The following NAALADL2 variants were observed in gnomAD, a reference collection of about 807,000 sequenced individuals.
The protein encoded by NAALADL2 is N-acetylated alpha-linked acidic dipeptidase like 2.
In NAALADL2, 76 loss-of-function variants were observed where a neutral mutation model predicts 87.2. That is an observed-to-expected ratio of 0.87 (90% CI 0.72 to 1.05). NAALADL2 has a LOEUF of 1.05. NAALADL2 is among the 50% of genes least tolerant of loss of function. The pLI, the probability that NAALADL2 is intolerant of heterozygous loss-of-function variation, is 0.00. For missense variants in NAALADL2, 1,089 were observed against 945.8 expected (o/e 1.15, Z -1.99); for synonymous variants, 354 against 331.0 (o/e 1.07, Z -0.75).
At chr3:174,853,651 C>A (rs569342652) in intron 3 of NAALADL2, among the ~76,000 whole-genome samples, 1 of 151,686 alleles carries the variant, frequency 6.6e-6, no homozygotes, top group East Asian at 1.9e-4. Flanking sequence ...GATTAATAAT[C>A]AAAATATGTA....
At chr3:175,773,474 G>A (rs758363283) in intron 13 of NAALADL2, 19 of 151,988 alleles carry the variant, frequency 1.3e-4, no homozygotes, top group Non-Finnish European at 2.2e-4. Context: ...ACAGTCTGTT[G>A]GGCTTTGTGA....
intron 13 of NAALADL2, among the ~76,000 whole-genome samples, chr3:175,794,385 A>G (rs950843984): frequency 7.2e-5 from 4 of 55,490 alleles, no homozygotes; most frequent in East Asian, 7.4e-4. Context: ...ATGAGTGTGG[A>G]AAAAAAAAAA....
At chr3:174,722,618 C>G (rs1731809458) in intron 2 of NAALADL2, among the ~76,000 whole-genome samples, 4 of 152,146 alleles carry the variant, frequency 2.6e-5, no homozygotes, top group Admixed American at 2.0e-4. Flanking sequence ...AGGAGAATCG[C>G]TTGAACTCAG....
intron 5 of NAALADL2, among the ~76,000 whole-genome samples, chr3:175,359,125 G>C (rs1327815587): frequency 6.6e-6 from 1 of 151,954 alleles, no homozygotes; most frequent in Non-Finnish European, 1.5e-5. Context: ...ATGGAGACCA[G>C]CAGTTATTGC....
At chr3:175,063,068 GT>G (rs531123195) in intron 1 of NAALADL2, among the ~76,000 whole-genome samples, 1 of 152,020 alleles carries the variant, frequency 6.6e-6, no homozygotes, top group Non-Finnish European at 1.5e-5. Flanking sequence ...AGCTGGCTAT[GT>G]TTTTTGTTGG....
At position 174,773,476 on chromosome 3, in the gene NAALADL2, C is replaced by T. The variant is rs549434356; in HGVS notation, c.-9+35730C>T. Among the ~76,000 whole-genome samples, 6 of 152,218 alleles carry T rather than the reference C, an allele frequency of 3.9e-5. No homozygotes were observed. In the South Asian group the frequency reaches 8.3e-4, roughly 21 times the overall value. On this transcript the variant is annotated intron_variant, in intron 3 of 3. Coordinates refer to the NAALADL2 transcript ENST00000434257. ...GATGATAGACTCTCCATCCCTTTAA[C>T]TGAGAATAAGGTATACTCCATGCTA...
intron 9 of NAALADL2, among the ~76,000 whole-genome samples, chr3:175,531,983 A>G (rs9852772): frequency 0.92 from 140,420 of 152,220 alleles, 64,855 homozygotes; most frequent in East Asian, 0.97. Flanking sequence ...ATTTTTCTAA[A>G]TAGAGGCAGC....
chr3:175,096,708 G>A, intron 1 of NAALADL2, 82 bp from the exon 2 acceptor site: 15 of 844,902 alleles, frequency 1.8e-5, no homozygotes, highest in Non-Finnish European at 2.6e-5. Context: ...CACTCAATAT[G>A]GCTTACTGTT....
intron 9 of NAALADL2, among the ~76,000 whole-genome samples, chr3:175,483,013 A>G (rs1726729780): frequency 6.6e-6 from 1 of 152,006 alleles, no homozygotes; most frequent in South Asian, 2.1e-4. Context: ...GTTCCTTAAA[A>G]TAAACATACC....
At chr3:175,096,040 C>T (rs1721099563) in intron 1 of NAALADL2, among the ~76,000 whole-genome samples, 1 of 152,066 alleles carries the variant, frequency 6.6e-6, no homozygotes, top group African/African-American at 2.4e-5. Context: ...CCAAACTCTC[C>T]TAGGCTGGCA....
intron 1 of NAALADL2, among the ~76,000 whole-genome samples, chr3:174,993,750 T>C (rs1747055852): frequency 6.6e-6 from 1 of 152,166 alleles, no homozygotes; most frequent in African/African-American, 2.4e-5. Flanking sequence ...TACCACAAAC[T>C]AAGTGGCTTA....
chr3:175,541,968 C>T (rs1022899831), intron 9 of NAALADL2, among the ~76,000 whole-genome samples: 3 of 152,164 alleles, frequency 2.0e-5, no homozygotes, highest in Non-Finnish European at 2.9e-5. Context: ...ATCCACCTGC[C>T]TCAGCCTCCC....
chr3:174,912,618 T>C (rs1175410089), intron 1 of NAALADL2, among the ~76,000 whole-genome samples: 1 of 152,152 alleles, frequency 6.6e-6, no homozygotes, highest in East Asian at 1.9e-4. Flanking sequence ...GCAGCCTTTT[T>C]CCCCTGATTA....
intron 1 of NAALADL2, among the ~76,000 whole-genome samples, chr3:174,930,001 C>T (rs942033087): frequency 4.6e-5 from 7 of 152,104 alleles, no homozygotes; most frequent in Non-Finnish European, 8.8e-5. Context: ...TTCCCCTGTT[C>T]TATCTTTACT....
At chr3:175,765,747 A>G (rs1748602200) in intron 13 of NAALADL2, among the ~76,000 whole-genome samples, 1 of 152,152 alleles carries the variant, frequency 6.6e-6, no homozygotes, top group Non-Finnish European at 1.5e-5. Flanking sequence ...AAGACTAACA[A>G]TAACAACAAT....
In NAALADL2 at chr3:175,352,990, C is replaced by T. The variant is rs147281338; in HGVS notation, c.1090+28665C>T. ...TCAGCTATTGTTTTCTTGAAATCAA[C>T]GAACCCTGAAAGACAGGGCATTCTC... On this transcript the variant is annotated intron_variant, in intron 5 of 13. Coordinates refer to ENST00000454872, the MANE Select transcript of NAALADL2 (RefSeq NM_207015.3). Among the ~76,000 whole-genome samples the T allele has an allele frequency of 5.9e-3, 890 of 152,122 alleles. 26 individuals are homozygous for T. The highest frequency in any genetic ancestry group is 0.053 in the Admixed American group (811 of 15,250).
intron 1 of NAALADL2, among the ~76,000 whole-genome samples, chr3:174,531,294 G>A (rs191398221): frequency 2.7e-5 from 4 of 149,002 alleles, no homozygotes; most frequent in Non-Finnish European, 4.5e-5. Context: ...TTTTGGTTCT[G>A]TCTTAGCTTG....
intron 10 of NAALADL2, among the ~76,000 whole-genome samples, chr3:175,615,852 G>A (rs891179364): frequency 1.3e-5 from 2 of 148,188 alleles, no homozygotes; most frequent in Non-Finnish European, 3.0e-5. Context: ...GGGAGACTCT[G>A]TCTCAAAAAA....
At chr3:174,699,905 T>G (rs1729396896) in intron 2 of NAALADL2, among the ~76,000 whole-genome samples, 1 of 151,754 alleles carries the variant, frequency 6.6e-6, no homozygotes, top group Non-Finnish European at 1.5e-5. Context: ...TTACTGATCT[T>G]AGGGAAACTT....
Sources: gnomAD v4.1 joint callset for allele counts (sites outside exome capture counted in the v4.1 genomes callset) on GRCh38, gnomAD v4.1.1 for gene constraint, MANE v1.5 for transcripts, NCBI Gene and HGNC (gene_info 2026-07-23, HGNC 2026-07-21) for gene names.